The following CLMP variants were observed in gnomAD, a reference collection of about 807,000 sequenced individuals.
The protein encoded by CLMP is CXADR like cell adhesion molecule.
In CLMP, 27 loss-of-function variants were observed where a neutral mutation model predicts 45.2. That is an observed-to-expected ratio of 0.60 (90% CI 0.44 to 0.82). CLMP has a LOEUF of 0.82. CLMP is among the 40% of genes least tolerant of loss of function. The probability of loss-of-function intolerance (pLI) is 0.00; values close to 1 mark genes in which losing one functional copy is unlikely to be tolerated. For synonymous variants in CLMP, 167 were observed against 171.4 expected, an observed-to-expected ratio of 0.97 and a Z score of 0.20; for missense variants, 403 against 448.4, an observed-to-expected ratio of 0.90 and a Z score of 0.91.
At chr11:123,079,444 T>A (rs894301271) in intron 5 of CLMP, among the ~76,000 whole-genome samples, 5 of 152,132 alleles carry the variant, frequency 3.3e-5, no homozygotes, top group Non-Finnish European at 5.9e-5. Context: ...TGCCTGTTAC[T>A]TTTTTTGTTT....
intron 1 of CLMP, among the ~76,000 whole-genome samples, chr11:123,162,935 T>TA (rs1861507132): frequency 6.7e-6 from 1 of 150,362 alleles, no homozygotes; most frequent in Non-Finnish European, 1.5e-5. Context: ...AACCAAAAAA[T>TA]AAAAAATCAG....
At chr11:123,075,334 A>C (rs1865725093) in intron 5 of CLMP, among the ~76,000 whole-genome samples, 1 of 151,908 alleles carries the variant, frequency 6.6e-6, no homozygotes, top group African/African-American at 2.4e-5. Context: ...ATATATTTGC[A>C]GTTGTAGTTA....
chr11:123,111,167 TTGTG>T (rs1012151870), intron 1 of CLMP, among the ~76,000 whole-genome samples: 2 of 152,032 alleles, frequency 1.3e-5, no homozygotes, highest in Admixed American at 6.6e-5. Flanking sequence ...TGTGTGGTTT[TTGTG>T]TGTGTGTGCC....
chr11:123,073,880 A>C, intron 6 of CLMP, 106 bp from the exon 7 acceptor site: 6 of 1,167,278 alleles, frequency 5.1e-6, no homozygotes, highest in Non-Finnish European at 6.0e-6. Context: ...AGATAATACC[A>C]TCGGAAGGCA....
At chr11:123,147,906 GA>G (rs1861261343) in intron 1 of CLMP, among the ~76,000 whole-genome samples, 3 of 151,032 alleles carry the variant, frequency 2.0e-5, no homozygotes. Flanking sequence ...TCGAACTGCT[GA>G]CCTCAAGAGA....
chr11:123,162,904 CA>C (rs547647574), intron 1 of CLMP, among the ~76,000 whole-genome samples: 46 of 140,588 alleles, frequency 3.3e-4, no homozygotes, highest in East Asian at 4.1e-4. Context: ...GACCCTGTCT[CA>C]AAAAAAAAAG....
At chr11:123,095,467 A>G (rs1360039032) in intron 2 of CLMP, among the ~76,000 whole-genome samples, 1 of 151,982 alleles carries the variant, frequency 6.6e-6, no homozygotes, top group African/African-American at 2.4e-5. Context: ...ACAGAGTTTC[A>G]CCATGTTGCC....
chr11:123,083,677 T>TA lies in CLMP; in HGVS notation c.556+2dup. ...TCAATAGATTGGTAGGAAGATGACT[T>TA]ACCAATCCTAGATTTGGGAGGCAGA... On this transcript the variant is annotated splice_region_variant and intron_variant, in intron 4 of 6. Transcript: ENST00000448775. 1 of 1,613,994 alleles carries TA rather than the reference T, an allele frequency of 6.2e-7. No individual in the cohort carries two copies. Among genetic ancestry groups the TA allele is most frequent in the Middle Eastern group, 1.7e-4 (1 of 6,008 alleles).
chr11:123,178,582 T>C (rs1181493299), intron 1 of CLMP, among the ~76,000 whole-genome samples: 2 of 152,208 alleles, frequency 1.3e-5, no homozygotes, highest in African/African-American at 4.8e-5. Context: ...GTCTACATAT[T>C]GAGTGCCTGG....
chr11:123,079,369 A>G (rs935765067), intron 5 of CLMP, among the ~76,000 whole-genome samples: 2 of 152,150 alleles, frequency 1.3e-5, no homozygotes, highest in African/African-American at 4.8e-5. Context: ...AGTGGGGAAA[A>G]AAGGATTTTT....
intron 1 of CLMP, among the ~76,000 whole-genome samples, chr11:123,149,897 C>G (rs936651138): frequency 1.3e-5 from 2 of 151,580 alleles, no homozygotes; most frequent in Non-Finnish European, 2.9e-5. Flanking sequence ...CTGCAACCTC[C>G]GCTCCCGGGT....
chr11:123,152,364 A>C (rs1458960126), intron 1 of CLMP, among the ~76,000 whole-genome samples: 1 of 151,924 alleles, frequency 6.6e-6, no homozygotes, highest in Non-Finnish European at 1.5e-5. Flanking sequence ...TCTACTAAAA[A>C]TACAAAAATG....
intron 5 of CLMP, among the ~76,000 whole-genome samples, chr11:123,081,728 G>A (rs1865805651): frequency 2.0e-5 from 3 of 152,124 alleles, no homozygotes; most frequent in Admixed American, 6.5e-5. Flanking sequence ...CAGGTGTGAC[G>A]GCATGTGCCT....
At chr11:123,079,281 C>A (rs1865774702) in intron 5 of CLMP, among the ~76,000 whole-genome samples, 1 of 152,096 alleles carries the variant, frequency 6.6e-6, no homozygotes, top group South Asian at 2.1e-4. Flanking sequence ...CATAACCTTT[C>A]TAATATAGAT....
chr11:123,083,385 C>T (rs1865827361), intron 4 of CLMP, among the ~76,000 whole-genome samples, 178 bp from the exon 5 acceptor site: 2 of 152,152 alleles, frequency 1.3e-5, no homozygotes, highest in South Asian at 4.1e-4. Flanking sequence ...TAAGTTGTAG[C>T]ACATCCTCAA....
chr11:123,113,785 A>C (rs942085454), intron 1 of CLMP, among the ~76,000 whole-genome samples: 10 of 152,218 alleles, frequency 6.6e-5, no homozygotes, highest in African/African-American at 2.4e-4. Context: ...CAGGATAAGG[A>C]TAACAATCTG....
intron 5 of CLMP, among the ~76,000 whole-genome samples, chr11:123,076,086 TCA>T (rs1161726522): frequency 1.3e-5 from 2 of 151,984 alleles, no homozygotes. Flanking sequence ...GGCAGGAGAA[TCA>T]CTTGAACCTG....
chr11:123,123,042 T>A (rs1860839484), intron 1 of CLMP, among the ~76,000 whole-genome samples: 1 of 152,032 alleles, frequency 6.6e-6, no homozygotes, highest in South Asian at 2.1e-4. Context: ...TTGGAAACCC[T>A]ACCAGACACC....
At chr11:123,140,620 C>T (rs900307151) in intron 1 of CLMP, among the ~76,000 whole-genome samples, 6 of 152,124 alleles carry the variant, frequency 3.9e-5, no homozygotes, top group Non-Finnish European at 8.8e-5. Flanking sequence ...GCTTTCCTCT[C>T]TTTCTCTCTG....
Sources: allele counts gnomAD v4.1 joint callset (sites outside exome capture counted in the v4.1 genomes callset), GRCh38; gene constraint gnomAD v4.1.1; transcripts MANE v1.5; gene names NCBI Gene and HGNC (gene_info 2026-07-23, HGNC 2026-07-21).